The following NSMAF variants were observed in gnomAD, a reference collection of about 807,000 sequenced individuals.
NSMAF encodes the protein neutral sphingomyelinase activation associated factor, also known as protein FAN.
In NSMAF, 90 loss-of-function variants were observed where a neutral mutation model predicts 134.9. That is an observed-to-expected ratio of 0.67 (90% CI 0.56 to 0.79). The LOEUF is 0.79. NSMAF is among the 30% of genes least tolerant of loss of function. The probability of loss-of-function intolerance (pLI) is 0.00; values close to 1 mark genes in which losing one functional copy is unlikely to be tolerated. For synonymous variants in NSMAF, 358 were observed against 389.6 expected, an observed-to-expected ratio of 0.92 and a Z score of 0.96; for missense variants, 1,010 against 1,119.0, an observed-to-expected ratio of 0.90 and a Z score of 1.39.
chr8:58,616,467 AT>A (rs1806656134), intron 9 of NSMAF, among the ~76,000 whole-genome samples: 1 of 152,188 alleles, frequency 6.6e-6, no homozygotes, highest in Non-Finnish European at 1.5e-5. Context: ...AAATCAATCA[AT>A]GTAATTCAAA....
At chr8:58,647,283 C>T (rs375899059) in intron 1 of NSMAF, among the ~76,000 whole-genome samples, 25 of 152,296 alleles carry the variant, frequency 1.6e-4, no homozygotes, top group East Asian at 1.3e-3. Flanking sequence ...GACTACAGTG[C>T]CCCTACTAGA....
At chr8:58,611,296 C>T (rs1477899636) in intron 9 of NSMAF, among the ~76,000 whole-genome samples, 1 of 152,142 alleles carries the variant, frequency 6.6e-6, no homozygotes, top group African/African-American at 2.4e-5. Context: ...AATCCCAGCA[C>T]TTTGAGAGGC....
intron 9 of NSMAF, 25 bp from the exon 10 acceptor site, chr8:58,609,758 G>A: frequency 6.2e-7 from 1 of 1,611,652 alleles, no homozygotes; most frequent in Non-Finnish European, 8.5e-7. Context: ...TTCAGCAAAA[G>A]TAAGAAAAAT....
chr8:58,606,030 C>G lies in NSMAF; in HGVS notation c.765G>C (p.Leu255Phe), dbSNP rs764006654. 6.4e-7 allele frequency: 1 copy of G among 1,570,580 alleles called. No individual in the cohort carries two copies. Among genetic ancestry groups the G allele is most frequent in the Non-Finnish European group, 8.6e-7 (1 of 1,162,404 alleles). ...GATCATCTTCTGTGCAAAATACTTC[C>G]AAGCCCTATAAATTCAAAAAGAAAA... ...KRRHGLMPLGLEVFCTEDDLC... is the reference protein window; with the variant it reads ...KRRHGLMPLGFEVFCTEDDLC... Residue 255 changes from leucine (L) to phenylalanine (F), a missense_variant, in exon 12 of 31, where the codon TTG (leucine) becomes TTC (phenylalanine). By Grantham distance (22) the Leu-to-Phe change is conservative (BLOSUM62 0). Transcript: ENST00000038176.
At chr8:58,604,759 T>A (rs1015451727) in intron 12 of NSMAF, among the ~76,000 whole-genome samples, 3 of 152,146 alleles carry the variant, frequency 2.0e-5, no homozygotes, top group African/African-American at 7.2e-5. Flanking sequence ...TGTTTGTTTT[T>A]TTGAGACAGG....
intron 22 of NSMAF, among the ~76,000 whole-genome samples, chr8:58,595,344 C>A (rs1724588599): frequency 6.6e-6 from 1 of 152,106 alleles, no homozygotes; most frequent in Non-Finnish European, 1.5e-5. Flanking sequence ...AATGACAGCA[C>A]GGTAGCCACC....
chr8:58,602,614 G>A (rs191106185), intron 13 of NSMAF, among the ~76,000 whole-genome samples: 3 of 152,060 alleles, frequency 2.0e-5, no homozygotes, highest in Non-Finnish European at 4.4e-5. Context: ...AAGGACAAAG[G>A]TTCAAGATAA....
At chr8:58,587,905 C>T (rs1805928109) in intron 26 of NSMAF, among the ~76,000 whole-genome samples, 2 of 152,166 alleles carry the variant, frequency 1.3e-5, no homozygotes, top group Non-Finnish European at 2.9e-5. Context: ...TTGCTTGTAC[C>T]TGTGTGTTTC....
At chr8:58,586,733 T>C (rs1240426507) in intron 27 of NSMAF, 125 bp from the exon 28 acceptor site, 1 of 690,308 alleles carries the variant, frequency 1.4e-6, no homozygotes, top group Non-Finnish European at 2.4e-6. Flanking sequence ...AGTATGCCGG[T>C]GTTGCTAATG....
intron 9 of NSMAF, among the ~76,000 whole-genome samples, chr8:58,622,861 T>A (rs1429102787): frequency 6.6e-6 from 1 of 151,984 alleles, no homozygotes; most frequent in African/African-American, 2.4e-5. Flanking sequence ...TAAAACAATG[T>A]CAGGTAGAGG....
At chr8:58,613,669 T>C (rs991529879) in intron 9 of NSMAF, among the ~76,000 whole-genome samples, 15 of 152,196 alleles carry the variant, frequency 9.9e-5, no homozygotes, top group Admixed American at 6.5e-5. Flanking sequence ...AAAATTATAA[T>C]ACCTTATTTT....
At chr8:58,647,193 G>A (rs1386697632) in intron 1 of NSMAF, among the ~76,000 whole-genome samples, 1 of 152,234 alleles carries the variant, frequency 6.6e-6, no homozygotes, top group Non-Finnish European at 1.5e-5. Context: ...GATGTGTGCA[G>A]AGGCAAAGGA....
At chr8:58,612,205 G>C (rs1471905056) in intron 9 of NSMAF, among the ~76,000 whole-genome samples, 1 of 152,186 alleles carries the variant, frequency 6.6e-6, no homozygotes, top group Admixed American at 6.5e-5. Flanking sequence ...GAGAGGCTTA[G>C]AGCTTTTGGC....
intron 12 of NSMAF, among the ~76,000 whole-genome samples, chr8:58,605,098 A>T (rs887688231): frequency 5.9e-5 from 9 of 152,184 alleles, no homozygotes; most frequent in Non-Finnish European, 1.0e-4. Flanking sequence ...AACTTTGTAA[A>T]CTAGAATAAT....
At chr8:58,599,201 G>T in intron 19 of NSMAF, 31 bp downstream of exon 19, 1 of 1,584,704 alleles carries the variant, frequency 6.3e-7, no homozygotes, top group Admixed American at 1.8e-5. Context: ...TTCACCCAAT[G>T]CTAAATAAAA....
intron 1 of NSMAF, among the ~76,000 whole-genome samples, chr8:58,652,292 G>A (rs1353034885): frequency 6.6e-6 from 1 of 152,204 alleles, no homozygotes; most frequent in East Asian, 1.9e-4. Flanking sequence ...TGGTCTCCCA[G>A]AAGAGAAGGT....
At chr8:58,632,304 A>T (rs1807071770) in intron 5 of NSMAF, among the ~76,000 whole-genome samples, 1 of 152,094 alleles carries the variant, frequency 6.6e-6, no homozygotes, top group Non-Finnish European at 1.5e-5. Flanking sequence ...GGCAAAATTC[A>T]TTGCAAGGGC....
intron 1 of NSMAF, among the ~76,000 whole-genome samples, chr8:58,645,319 C>T (rs890472021): frequency 6.6e-6 from 1 of 151,982 alleles, no homozygotes; most frequent in African/African-American, 2.4e-5. Flanking sequence ...CAGTGGAGAG[C>T]AGGATTGTAG....
intron 5 of NSMAF, 63 bp downstream of exon 5, chr8:58,635,126 C>T: frequency 8.3e-7 from 1 of 1,205,878 alleles, no homozygotes; most frequent in Non-Finnish European, 1.2e-6. Flanking sequence ...CAAGTAATTT[C>T]ATTCATGCAC....
Sources: allele counts gnomAD v4.1 joint callset (sites outside exome capture counted in the v4.1 genomes callset), GRCh38; gene constraint gnomAD v4.1.1; transcripts MANE v1.5; gene names NCBI Gene and HGNC (gene_info 2026-07-23, HGNC 2026-07-21).